ATXN7L1: variants seen among roughly 807,000 people sequenced by gnomAD.
ATXN7L1 encodes the protein ataxin-7-like protein 1.
A neutral mutation model predicts 70.8 loss-of-function variants in ATXN7L1; 15 were observed. The ratio of observed to expected loss-of-function variants is 0.21; its 90% CI spans 0.14 to 0.33. ATXN7L1 has a LOEUF of 0.33. Among genes scored for constraint, ATXN7L1 ranks in the 10% least tolerant of loss-of-function variants. The pLI is 1.00. For synonymous variants in ATXN7L1, 440 were observed against 445.1 expected (o/e 0.99, Z 0.14); for missense variants, 975 against 1,097.1 (o/e 0.89, Z 1.57).
chr7:105,862,108 T>C (rs189449864), intron 2 of ATXN7L1, among the ~76,000 whole-genome samples: 8 of 152,258 alleles, frequency 5.3e-5, no homozygotes, highest in Admixed American at 2.0e-4. Flanking sequence ...CTGTTGTACA[T>C]GGGTTGGCCA....
intron 3 of ATXN7L1, among the ~76,000 whole-genome samples, chr7:105,773,710 ACCAGTCCAATGCAACT>A (rs928943790): frequency 1.3e-5 from 2 of 152,100 alleles, no homozygotes; most frequent in African/African-American, 4.8e-5. Context: ...AGGATGTGCT[ACCAGTCCAATGCAACT>A]CCAGTGCCGG....
At chr7:105,869,338 T>C (rs1817912900) in intron 2 of ATXN7L1, among the ~76,000 whole-genome samples, 1 of 152,258 alleles carries the variant, frequency 6.6e-6, no homozygotes, top group Non-Finnish European at 1.5e-5. Flanking sequence ...CTGTGTAATC[T>C]GTGGACTTTG....
chr7:105,619,530 ATTTTTTTTTTTTTTTTTTT>A (rs10593739), intron 9 of ATXN7L1, among the ~76,000 whole-genome samples: 141 of 15,108 alleles, frequency 9.3e-3, no homozygotes, highest in South Asian at 0.017. Flanking sequence ...ATATATATAT[ATTTTTTTTTTTTTTTTTTT>A]TTTTTTTTTT....
At chr7:105,706,734 T>C (rs1793227283) in intron 3 of ATXN7L1, among the ~76,000 whole-genome samples, 1 of 152,216 alleles carries the variant, frequency 6.6e-6, no homozygotes, top group African/African-American at 2.4e-5. Context: ...AGGTCCCCGA[T>C]GTAGACCAAC....
rs370507196 is a variant in ATXN7L1, at chr7:105,773,504, T to C, written c.355+15100A>G. Among the ~76,000 whole-genome samples, 38 of 152,318 alleles carry C rather than the reference T, an allele frequency of 2.5e-4. 1 individual carries two copies. In the South Asian group the frequency reaches 7.9e-3, roughly 32 times the overall value. ...TGGCACCTTACAATTAATGTCATCC[T>C]GGAATCGAGAAAATACCGTAGTTAA... On this transcript the variant is annotated intron_variant, in intron 3 of 11. Coordinates refer to ENST00000419735, the MANE Select transcript of ATXN7L1 (RefSeq NM_020725.2).
intron 5 of ATXN7L1, among the ~76,000 whole-genome samples, chr7:105,641,090 G>T (rs1798102915): frequency 6.6e-6 from 1 of 152,052 alleles, no homozygotes; most frequent in Non-Finnish European, 1.5e-5. Context: ...AGGTTGCAAT[G>T]GTGTTACTGA....
chr7:105,867,419 C>A (rs1361900454), intron 2 of ATXN7L1, among the ~76,000 whole-genome samples: 1 of 152,198 alleles, frequency 6.6e-6, no homozygotes, highest in Admixed American at 6.5e-5. Flanking sequence ...TAAATGCCAT[C>A]ATTACCAGAA....
chr7:105,775,648 G>A (rs528204835), intron 3 of ATXN7L1, among the ~76,000 whole-genome samples: 5 of 152,318 alleles, frequency 3.3e-5, no homozygotes, highest in African/African-American at 1.2e-4. Context: ...TACAGTACAC[G>A]TAGTATGTGG....
chr7:105,837,545 G>A (rs1044058366), intron 2 of ATXN7L1, among the ~76,000 whole-genome samples: 1 of 152,110 alleles, frequency 6.6e-6, no homozygotes, highest in Non-Finnish European at 1.5e-5. Flanking sequence ...GGGGTGCATG[G>A]GACCATGACA....
chr7:105,820,248 A>G (rs1809936133), intron 2 of ATXN7L1: 1 of 224,712 alleles, frequency 4.5e-6, no homozygotes, highest in African/African-American at 2.4e-5. Flanking sequence ...CTAATATTCA[A>G]GAAAATCATC....
At chr7:105,782,026 T>C (rs1211294378) in intron 3 of ATXN7L1, among the ~76,000 whole-genome samples, 2 of 152,108 alleles carry the variant, frequency 1.3e-5, no homozygotes, top group Non-Finnish European at 2.9e-5. Flanking sequence ...AAAGATGGGG[T>C]TTCTCCATGT....
chr7:105,842,036 T>G (rs1813284790), intron 2 of ATXN7L1, among the ~76,000 whole-genome samples: 1 of 152,140 alleles, frequency 6.6e-6, no homozygotes, highest in East Asian at 1.9e-4. Flanking sequence ...GATGGGGAAC[T>G]AGAATTCTTT....
chr7:105,692,247 G>A (rs1344901892), intron 3 of ATXN7L1, among the ~76,000 whole-genome samples: 1 of 152,142 alleles, frequency 6.6e-6, no homozygotes, highest in African/African-American at 2.4e-5. Context: ...TTTAGAGATT[G>A]ACTTAGATTT....
Position 105,624,221 on chromosome 7 carries a change from T to C in ATXN7L1, c.1249A>G (p.Ser417Gly). ...SISSSTSSNH[S>G]GHTPEPPLPP... ...AGTGGGGGCTCTGGAGTGTGGCCGC[T>C]ATGATTTGAAGATGTGCTGCTGCTT... Residue 417 changes from serine (S) to glycine (G), a missense_variant, in exon 8 of 12, where the codon AGC (serine) becomes GGC (glycine). Transcript: ENST00000419735. 1 of 1,507,712 alleles carries C rather than the reference T, an allele frequency of 6.6e-7. No individual in the cohort carries two copies. The highest frequency in any genetic ancestry group is 8.9e-7 in the Non-Finnish European group (1 of 1,122,924). 93.4% of individuals were successfully genotyped at this position (1,507,712 alleles called of 1,614,324 possible). A position where few individuals can be genotyped will look rare whatever the true frequency, so the allele number is the denominator to read the frequency against.
chr7:105,824,143 T>C (rs1268608596), intron 2 of ATXN7L1, among the ~76,000 whole-genome samples: 1 of 152,108 alleles, frequency 6.6e-6, no homozygotes, highest in Non-Finnish European at 1.5e-5. Context: ...AATTCATCTC[T>C]GAAAAAACAG....
intron 2 of ATXN7L1, among the ~76,000 whole-genome samples, chr7:105,804,061 G>C (rs1459292239): frequency 2.6e-5 from 4 of 152,138 alleles, no homozygotes; most frequent in African/African-American, 9.7e-5. Flanking sequence ...AGAGAAATGG[G>C]CATCCCTTAG....
At chr7:105,764,785 C>T (rs1176162837) in intron 3 of ATXN7L1, among the ~76,000 whole-genome samples, 3 of 152,002 alleles carry the variant, frequency 2.0e-5, no homozygotes, top group East Asian at 3.9e-4. Flanking sequence ...ACAGGAGGCA[C>T]ATCAAAATTT....
intron 7 of ATXN7L1, among the ~76,000 whole-genome samples, chr7:105,633,650 G>A (rs1263541904): frequency 6.6e-6 from 1 of 152,052 alleles, no homozygotes; most frequent in African/African-American, 2.4e-5. Flanking sequence ...AATCCGTGAG[G>A]TGGAGGTTGC....
intron 2 of ATXN7L1, among the ~76,000 whole-genome samples, chr7:105,800,211 A>G (rs1403784788): frequency 1.3e-5 from 2 of 152,182 alleles, no homozygotes; most frequent in Admixed American, 6.5e-5. Flanking sequence ...TGGGCCAAAG[A>G]AAAAAGGGAC....
Sources: gnomAD v4.1 joint callset for allele counts (sites outside exome capture counted in the v4.1 genomes callset) on GRCh38, gnomAD v4.1.1 for gene constraint, MANE v1.5 for transcripts, NCBI Gene and HGNC (gene_info 2026-07-23, HGNC 2026-07-21) for gene names.